The following HDC variants were observed in gnomAD, a reference collection of about 807,000 sequenced individuals.
HDC encodes the protein histidine decarboxylase.
HDC carries 27 observed loss-of-function variants against 64.4 expected under a neutral mutation model. The ratio of observed to expected loss-of-function variants is 0.42; its 90% CI spans 0.31 to 0.58. HDC has a LOEUF of 0.58. Among genes scored for constraint, HDC ranks in the 20% least tolerant of loss-of-function variants. The pLI, the probability that HDC is intolerant of heterozygous loss-of-function variation, is 0.16. For missense variants in HDC, 711 were observed against 833.9 expected (o/e 0.85, Z 1.81); for synonymous variants, 305 against 314.2 (o/e 0.97, Z 0.31).
intron 2 of HDC, among the ~76,000 whole-genome samples, chr15:50,261,623 C>CA (rs11418562): frequency 0.51 from 48,018 of 94,820 alleles, 10,834 homozygotes; most frequent in Non-Finnish European, 0.57. Flanking sequence ...TCTATTGCTT[C>CA]AAAAAAAAAA....
At chr15:50,265,280 T>C (rs2045752519) in intron 1 of HDC, among the ~76,000 whole-genome samples, 1 of 152,082 alleles carries the variant, frequency 6.6e-6, no homozygotes, top group East Asian at 1.9e-4. Flanking sequence ...AACAATCCCC[T>C]TTTCCCATCT....
At chr15:50,245,998 A>G (rs2045476738) in intron 10 of HDC, among the ~76,000 whole-genome samples, 1 of 152,250 alleles carries the variant, frequency 6.6e-6, no homozygotes, top group African/African-American at 2.4e-5. Context: ...CCATTCTTTA[A>G]AGCACTTCTC....
At chr15:50,261,876 A>AT (rs1346238235) in intron 2 of HDC, among the ~76,000 whole-genome samples, 3 of 151,828 alleles carry the variant, frequency 2.0e-5, no homozygotes, top group East Asian at 2.0e-4. Flanking sequence ...TGCCCAGCTA[A>AT]TTTTGTATTT....
intron 9 of HDC, among the ~76,000 whole-genome samples, chr15:50,250,573 T>C (rs1184334862): frequency 6.6e-6 from 1 of 152,064 alleles, no homozygotes; most frequent in African/African-American, 2.4e-5. Context: ...GGTAAATGAA[T>C]TTAAACGGTA....
In HDC at chr15:50,242,232, C is replaced by T. The variant is rs1019436658; in HGVS notation, c.*28G>A. On this transcript the variant is annotated 3_prime_UTR_variant, in exon 12 of 12. Transcript: ENST00000267845. The stretch of plus-strand genomic sequence containing the variant: ...GGTTCACAGAGTCCCTGAAGTATAT[C>T]CTCAGACTCTGGCTGAAGGCCCTGT... 1.3e-6 allele frequency: 2 copies of T among 1,591,072 alleles called. No homozygotes were observed. The highest frequency in any genetic ancestry group is 4.5e-5 in the East Asian group (2 of 44,776).
At position 50,257,380 on chromosome 15, in the gene HDC, G is replaced by A. The variant is rs113247668; in HGVS notation, c.441+45C>T. On this transcript the variant is annotated intron_variant, in intron 4 of 11. Coordinates refer to ENST00000267845, the MANE Select transcript of HDC (RefSeq NM_002112.4). Reference sequence around the variant, plus strand: ...CAGGTTAGGGTTTGGCTTGTCTTTCGCTACTTAGCCCCCAAGCTAGGTGAA... The same window carrying A: ...CAGGTTAGGGTTTGGCTTGTCTTTCACTACTTAGCCCCCAAGCTAGGTGAA... 5.7e-4 allele frequency: 921 copies of A among 1,613,330 alleles called. 6 individuals carry two copies. In the African/African-American group the frequency reaches 9.2e-3, roughly 16 times the overall value.
At chr15:50,262,930 T>C (rs1165184464) in intron 2 of HDC, among the ~76,000 whole-genome samples, 1 of 152,040 alleles carries the variant, frequency 6.6e-6, no homozygotes, top group African/African-American at 2.4e-5. Context: ...TCTCCACCCA[T>C]CCCATTAGAC....
At chr15:50,258,219 C>T (rs2045657518) in intron 3 of HDC, among the ~76,000 whole-genome samples, 185 bp downstream of exon 3, 1 of 152,084 alleles carries the variant, frequency 6.6e-6, no homozygotes, top group African/African-American at 2.4e-5. Flanking sequence ...GATCAATACT[C>T]GTGATTCCAT....
chr15:50,250,534 T>A (rs1234589747), intron 9 of HDC, among the ~76,000 whole-genome samples: 1 of 152,114 alleles, frequency 6.6e-6, no homozygotes, highest in Non-Finnish European at 1.5e-5. Context: ...CTCCTAGGAA[T>A]GAACCCCGGG....
At chr15:50,243,764 C>A (rs1460624618) in intron 10 of HDC, among the ~76,000 whole-genome samples, 2 of 152,240 alleles carry the variant, frequency 1.3e-5, no homozygotes, top group African/African-American at 4.8e-5. Flanking sequence ...CCTCTTCTCA[C>A]CCTGTACCCC....
At position 50,242,758 on chromosome 15, in the gene HDC, G is replaced by T. The variant is rs1391765214; in HGVS notation, c.1491C>A (p.Ala497=). 2 of 1,613,846 alleles carry T rather than the reference G, an allele frequency of 1.2e-6. No individual in the cohort carries two copies. Among genetic ancestry groups the T allele is most frequent in the African/African-American group, 2.7e-5 (2 of 74,886 alleles). Residue 497 remains alanine, a synonymous_variant, in exon 12 of 12, where the codon GCC becomes GCA. Coordinates refer to ENST00000267845, the MANE Select transcript of HDC (RefSeq NM_002112.4). ...GGGACGTTCCACAGGCCCAGGCTCT[G>T]GCACCCCTGATTTGGGAGATGAGGT... The part of the protein sequence containing the change: ...VGNLISQIRG[A]RAWACGTSLQ...
At position 50,242,815 on chromosome 15, in the gene HDC, G is replaced by A. The variant is rs1245896481; in HGVS notation, c.1434C>T (p.His478=). ...RDAATLILSQ[H]CTSQPSPRVG... ...CCCGAGGGCTGGGTTGGGAAGTACA[G>A]TGCTGACTCAGGATGAGAGTGGCAG... The change falls in exon 12 of 12, where the codon CAC becomes CAT. Residue 478 remains histidine, a synonymous_variant. Transcript: ENST00000267845. 1 of 1,614,082 alleles carries A rather than the reference G, an allele frequency of 6.2e-7. No individual in the cohort carries two copies. Among genetic ancestry groups the A allele is most frequent in the East Asian group, 2.2e-5 (1 of 44,868 alleles).
chr15:50,245,395 G>GGAT (rs575390454), intron 10 of HDC, among the ~76,000 whole-genome samples: 46 of 152,070 alleles, frequency 3.0e-4, no homozygotes, highest in South Asian at 1.7e-3. Flanking sequence ...TAGGAGATGA[G>GGAT]GATGATGATG....
chr15:50,257,828 G>A (rs908223290), intron 3 of HDC, among the ~76,000 whole-genome samples: 4 of 152,242 alleles, frequency 2.6e-5, no homozygotes, highest in East Asian at 1.9e-4. Flanking sequence ...TCTCCAAGTC[G>A]CTAAAATACA....
intron 2 of HDC, among the ~76,000 whole-genome samples, chr15:50,261,763 G>A (rs1435514897): frequency 6.7e-6 from 1 of 150,158 alleles, no homozygotes; most frequent in Non-Finnish European, 1.5e-5. Flanking sequence ...AGGCTGGAGT[G>A]CAACGGCGCT....
intron 2 of HDC, among the ~76,000 whole-genome samples, chr15:50,259,577 A>G (rs139756334): frequency 1.4e-3 from 213 of 152,234 alleles, no homozygotes; most frequent in African/African-American, 5.0e-3. Context: ...TTCTGCATTT[A>G]TGTCTTTGAG....
At chr15:50,251,888 GAGTT>G (rs2045561052) in intron 9 of HDC, among the ~76,000 whole-genome samples, 1 of 152,028 alleles carries the variant, frequency 6.6e-6, no homozygotes, top group African/African-American at 2.4e-5. Context: ...GAGAGAGAGT[GAGTT>G]AGAGAGTTGA....
intron 4 of HDC, among the ~76,000 whole-genome samples, chr15:50,255,856 C>T (rs1469509222): frequency 1.3e-5 from 2 of 152,126 alleles, no homozygotes; most frequent in African/African-American, 4.8e-5. Context: ...TCATAGTTTA[C>T]AAAACACTTT....
chr15:50,242,783 T>C lies in HDC; in HGVS notation c.1466A>G (p.Asn489Ser), dbSNP rs748990320. ...CTSQPSPRVG[N>S]LISQIRGARA... ...GGCACCCCTGATTTGGGAGATGAGGTTCCCAACCCGAGGGCTGGGTTGGGA... is the reference window on the plus strand; with the variant it reads ...GGCACCCCTGATTTGGGAGATGAGGCTCCCAACCCGAGGGCTGGGTTGGGA... Residue 489 changes from asparagine to serine, a missense_variant, in exon 12 of 12, where the codon AAC becomes AGC. Around this residue, in one of 3 missense-constraint regions of HDC, gnomAD observed 483 missense variants for 540.9 expected, o/e 0.89. Transcript: ENST00000267845. 1 of 1,613,582 alleles carries C rather than the reference T, an allele frequency of 6.2e-7. No homozygotes were observed. The highest frequency in any genetic ancestry group is 1.1e-5 in the South Asian group (1 of 91,044).
Sources: allele counts gnomAD v4.1 joint callset (sites outside exome capture counted in the v4.1 genomes callset), GRCh38; gene constraint gnomAD v4.1.1; regional missense constraint gnomAD v4.1.1; transcripts MANE v1.5; gene names NCBI Gene and HGNC (gene_info 2026-07-23, HGNC 2026-07-21).